Variants in ATP6V0A2 observed in about 807,000 individuals in gnomAD.
The protein encoded by ATP6V0A2 is ATPase H+ transporting V0 subunit a2, also known as V-type proton ATPase 116 kDa subunit a 2.
Under a neutral mutation model 104.4 loss-of-function variants are expected in ATP6V0A2, and 58 were observed. The observed-to-expected ratio is 0.56, with a 90% confidence interval of 0.45 to 0.69. The LOEUF (loss-of-function observed/expected upper bound fraction) is 0.69. Among genes scored for constraint, ATP6V0A2 ranks in the 30% least tolerant of loss-of-function variants. ATP6V0A2 has a pLI of 0.00. For synonymous variants in ATP6V0A2, 376 were observed against 397.9 expected (o/e 0.95, Z 0.65); for missense variants, 938 against 1,062.9 (o/e 0.88, Z 1.63).
In ATP6V0A2 at chr12:123,752,315, G is replaced by A. The variant is rs772153040; in HGVS notation, c.2088G>A (p.Glu696=). ...ACACACTTATAAGGAAAGATAGTGA[G>A]GAAGAAGTTTCATTGCTGGGAAGCC... ...SGYTLIRKDS[E]EEVSLLGSQD... The change falls in exon 17 of 20, where the codon GAG becomes GAA. Residue 696 remains glutamate, a synonymous_variant. Coordinates refer to ENST00000330342, the MANE Select transcript of ATP6V0A2 (RefSeq NM_012463.4). 3.1e-6 allele frequency: 5 copies of A among 1,614,048 alleles called. 1 individual carries two copies. Among genetic ancestry groups the A allele is most frequent in the East Asian group, 2.2e-5 (1 of 44,894 alleles).
chr12:123,754,381 C>A, intron 17 of ATP6V0A2, 39 bp from the exon 18 acceptor site: 1 of 1,449,972 alleles, frequency 6.9e-7, no homozygotes, highest in Non-Finnish European at 9.7e-7. Context: ...ACACATGTAA[C>A]ATCATGACTC....
intron 1 of ATP6V0A2, among the ~76,000 whole-genome samples, chr12:123,716,429 A>G (rs1956339974): frequency 6.6e-6 from 1 of 152,162 alleles, no homozygotes; most frequent in Non-Finnish European, 1.5e-5. Context: ...TCTTAATATA[A>G]TCAAATACCT....
At chr12:123,750,280 CAG>C (rs949978399) in intron 15 of ATP6V0A2, 4 of 152,236 alleles carry the variant, frequency 2.6e-5, no homozygotes, top group African/African-American at 9.7e-5. Context: ...ACTGGTGGCT[CAG>C]GGCAGTCCTG....
Position 123,748,591 on chromosome 12 carries a change from T to C in ATP6V0A2, c.1741T>C (p.Phe581Leu). The C allele has an allele frequency of 6.2e-7, 1 of 1,613,764 alleles. No homozygotes were observed. The change falls in exon 15 of 20, where the codon TTC becomes CTC. Residue 581 changes from phenylalanine (F) to leucine (L), a missense_variant. Coordinates refer to ENST00000330342, the MANE Select transcript of ATP6V0A2 (RefSeq NM_012463.4). ...CTTTCCTAGGCACTTCAGGAAGAAG[T>C]TCAACATTTACCTGGTTTCCATCCC... ...IFNHLHFRKK[F>L]NIYLVSIPEL...
chr12:123,747,089 A>G (rs954294220), intron 13 of ATP6V0A2, among the ~76,000 whole-genome samples: 13 of 152,206 alleles, frequency 8.5e-5, no homozygotes, highest in African/African-American at 3.1e-4. Flanking sequence ...GAGGTCAGCC[A>G]TGGTCTGGAG....
At chr12:123,736,928 A>G in intron 8 of ATP6V0A2, 131 bp from the exon 9 acceptor site, 1 of 911,466 alleles carries the variant, frequency 1.1e-6, no homozygotes, top group Non-Finnish European at 1.8e-6. Context: ...CTTAGCTGCC[A>G]CCAGGATAGG....
At position 123,758,979 on chromosome 12, in the gene ATP6V0A2, T is replaced by C. The variant is rs1956788254; in HGVS notation, c.*947T>C. 1 of 152,670 alleles carries C rather than the reference T, an allele frequency of 6.6e-6. No individual in the cohort carries two copies. Among genetic ancestry groups the C allele is most frequent in the Non-Finnish European group, 1.5e-5 (1 of 68,054 alleles). The allele number at this position is 152,670 out of a possible 1,614,324, so 9.5% of individuals were successfully genotyped here. On this transcript the variant is annotated 3_prime_UTR_variant, in exon 20 of 20. Coordinates refer to ENST00000330342, the MANE Select transcript of ATP6V0A2 (RefSeq NM_012463.4). ...TATATTTTTTTAAAGACTCTTATCC[T>C]GTTACCCTTACATAAAACCAGTTAT...
chr12:123,738,659 C>A (rs1445866556), intron 9 of ATP6V0A2, among the ~76,000 whole-genome samples: 1 of 152,164 alleles, frequency 6.6e-6, no homozygotes, highest in African/African-American at 2.4e-5. Context: ...TGCTCTTACA[C>A]CTTCCAGATT....
At chr12:123,735,430 G>A in intron 7 of ATP6V0A2, 101 bp from the exon 8 acceptor site, 2 of 1,110,974 alleles carry the variant, frequency 1.8e-6, no homozygotes, top group Non-Finnish European at 2.7e-6. Context: ...CTCCCAAACG[G>A]CTGCTTTCAT....
At chr12:123,746,443 C>A (rs1447504742) in intron 13 of ATP6V0A2, among the ~76,000 whole-genome samples, 1 of 151,600 alleles carries the variant, frequency 6.6e-6, no homozygotes, top group Non-Finnish European at 1.5e-5. Context: ...TTTGCAAGGG[C>A]AAAATGAGAT....
At chr12:123,719,844 A>G (rs1268648419) in intron 2 of ATP6V0A2, among the ~76,000 whole-genome samples, 1 of 152,032 alleles carries the variant, frequency 6.6e-6, no homozygotes, top group African/African-American at 2.4e-5. Flanking sequence ...GCCTAAACAA[A>G]CTTTGCCTAC....
At position 123,724,671 on chromosome 12, in the gene ATP6V0A2, C is replaced by G. The variant is rs563333869; in HGVS notation, c.312C>G (p.Leu104=). The stretch of plus-strand genomic sequence containing the variant: ...TGTTTTAGGAGCAGTTGCAGAAGCT[C>G]GAGGTTGAACTGAGAGAAGTCACTA... The part of the protein sequence containing the change: ...VLEMQEQLQK[L]EVELREVTKN... Residue 104 remains leucine (L), a synonymous_variant, in exon 4 of 20, where the codon CTC becomes CTG. Transcript: ENST00000330342. The G allele has an allele frequency of 6.2e-7, 1 of 1,613,772 alleles. No individual in the cohort carries two copies. The highest frequency in any genetic ancestry group is 8.5e-7 in the Non-Finnish European group (1 of 1,179,858).
At chr12:123,756,688 A>G (rs952800007) in intron 18 of ATP6V0A2, 127 bp from the exon 19 acceptor site, 6 of 960,092 alleles carry the variant, frequency 6.2e-6, no homozygotes, top group Middle Eastern at 3.3e-4. Context: ...TCTGTGTTAC[A>G]TGTGTGTCTA....
intron 16 of ATP6V0A2, among the ~76,000 whole-genome samples, chr12:123,751,862 C>CTTTTTTTTTTTTTT (rs34862238): frequency 1.6e-5 from 2 of 123,456 alleles, no homozygotes; most frequent in Non-Finnish European, 3.3e-5. Context: ...TTCTTTCTTT[C>CTTTTTTTTTTTTTT]TTTTTTTTTT....
rs201910056 is a variant in ATP6V0A2, at chr12:123,754,415, C to T, written c.2176-5C>T. On this transcript the variant is annotated splice_region_variant and splice_polypyrimidine_tract_variant and intron_variant, in intron 17 of 19. Transcript: ENST00000330342. Reference sequence around the variant, plus strand: ...TCTTAACATATGTTGTGTGATCTCTCTCAGTTTAATTTTGGAGAAATATTA... The same window carrying T: ...TCTTAACATATGTTGTGTGATCTCTTTCAGTTTAATTTTGGAGAAATATTA... 3 of 1,591,904 alleles carry T rather than the reference C, an allele frequency of 1.9e-6. No individual in the cohort carries two copies. The highest frequency in any genetic ancestry group is 2.2e-5 in the South Asian group (2 of 90,612).
chr12:123,746,639 TAA>T (rs760374381), intron 13 of ATP6V0A2, among the ~76,000 whole-genome samples: 29 of 83,572 alleles, frequency 3.5e-4, no homozygotes, highest in Middle Eastern at 6.3e-3. Context: ...CCCCTTACCT[TAA>T]AAAAAAAAAA....
Position 123,735,552 on chromosome 12 carries a change from CT to C in ATP6V0A2, c.754del (p.Tyr252IlefsTer15). On this transcript the variant is annotated frameshift_variant, in exon 8 of 20. Coordinates refer to ENST00000330342, the MANE Select transcript of ATP6V0A2 (RefSeq NM_012463.4). LOFTEE classifies it high-confidence loss of function. ...CCAGCTACCACTGCCACGTGTACCC[CT>C]ATCCAAACACAGCCGAGGAGCGGAG... ...CDCYHCHVYP[Y>X]PNTAEERREI... The C allele has an allele frequency of 6.2e-7, 1 of 1,614,040 alleles. No homozygotes were observed. The highest frequency in any genetic ancestry group is 8.5e-7 in the Non-Finnish European group (1 of 1,179,936).
At chr12:123,757,109 C>G (rs539581379) in intron 19 of ATP6V0A2, 123 bp downstream of exon 19, 68 of 1,113,488 alleles carry the variant, frequency 6.1e-5, no homozygotes, top group Non-Finnish European at 8.9e-5. Flanking sequence ...CCAGTTCTTC[C>G]CTTCCCTTGG....
chr12:123,747,642 A>C lies in ATP6V0A2; in HGVS notation c.1641A>C (p.Leu547=). ...TGGCCACAAATCGCCTCACTTTTCT[A>C]AACTCTTTCAAAATGAAAATGTCCG... is the stretch of plus-strand genomic sequence containing the variant. ...WNLATNRLTF[L]NSFKMKMSVI... The change falls in exon 14 of 20, where the codon CTA becomes CTC. Residue 547 remains leucine (L), a synonymous_variant. Coordinates refer to ENST00000330342, the MANE Select transcript of ATP6V0A2 (RefSeq NM_012463.4). The C allele has an allele frequency of 6.2e-7, 1 of 1,613,690 alleles. No homozygotes were observed. Among genetic ancestry groups the C allele is most frequent in the Non-Finnish European group, 8.5e-7 (1 of 1,179,594 alleles).
Sources: gnomAD v4.1 joint callset for allele counts (sites outside exome capture counted in the v4.1 genomes callset) on GRCh38, gnomAD v4.1.1 for gene constraint, MANE v1.5 for transcripts, NCBI Gene and HGNC (gene_info 2026-07-23, HGNC 2026-07-21) for gene names.